Variants in FRZB observed in about 807,000 individuals in gnomAD.
FRZB encodes the protein frizzled related protein.
In FRZB, 34 loss-of-function variants were observed where a neutral mutation model predicts 32.5. That is an observed-to-expected ratio of 1.05 (90% CI 0.80 to 1.39). The LOEUF is 1.39. Ranked by LOEUF, FRZB falls within the 40% of genes most tolerant of loss-of-function variation. FRZB has a pLI of 0.00. For synonymous variants in FRZB, 170 were observed against 159.2 expected, an observed-to-expected ratio of 1.07 and a Z score of -0.51; for missense variants, 423 against 424.8, an observed-to-expected ratio of 1.00 and a Z score of 0.04.
Position 182,866,120 on chromosome 2 carries a change from C to T in FRZB, c.433G>A (p.Gly145Ser), listed in dbSNP as rs151046356. Residue 145 changes from glycine to serine, a missense_variant, in exon 1 of 6, where the codon GGC becomes AGC. By Grantham distance (56) the Gly-to-Ser change is moderately conservative. Coordinates refer to ENST00000295113, the MANE Select transcript of FRZB (RefSeq NM_001463.4). The surrounding 1 kb of genome is among the most constrained non-coding windows in gnomAD (Gnocchi z 4.5). Reference sequence around the variant, plus strand: ...ATGGCCTCGGGAGAGATGCACACGCCCCTGTCGTACACTGGCAGCTCCTCG... The same window carrying T: ...ATGGCCTCGGGAGAGATGCACACGCTCCTGTCGTACACTGGCAGCTCCTCG... The part of the protein sequence containing the change: ...ACEELPVYDR[G>S]VCISPEAIVT... 195 of 1,613,962 alleles carry T rather than the reference C, an allele frequency of 1.2e-4. 1 individual carries two copies. The highest frequency in any genetic ancestry group is 6.6e-4 in the Middle Eastern group (4 of 6,082).
chr2:182,850,853 G>C (rs187720620), intron 2 of FRZB, among the ~76,000 whole-genome samples: 12 of 152,234 alleles, frequency 7.9e-5, no homozygotes, highest in Non-Finnish European at 1.3e-4. Context: ...CAGTATACTA[G>C]AGTTCCCCTT....
chr2:182,862,232 C>A (rs1695841419), intron 1 of FRZB, among the ~76,000 whole-genome samples: 1 of 152,216 alleles, frequency 6.6e-6, no homozygotes, highest in Non-Finnish European at 1.5e-5. Context: ...ACGTGTTGAG[C>A]AAGAGCTGGG....
chr2:182,839,792 A>G (rs1279118038), intron 3 of FRZB, among the ~76,000 whole-genome samples: 3 of 152,068 alleles, frequency 2.0e-5, no homozygotes, highest in East Asian at 1.9e-4. Flanking sequence ...ATCCATGGAC[A>G]TTATATAGAG....
intron 1 of FRZB, among the ~76,000 whole-genome samples, chr2:182,862,238 C>T (rs1332359185): frequency 1.3e-5 from 2 of 152,204 alleles, no homozygotes; most frequent in Non-Finnish European, 2.9e-5. Context: ...TGAGCAAGAG[C>T]TGGGGAGAAA....
rs1403761054 is a variant in FRZB, at chr2:182,834,212, T to A, written c.*637A>T. 1 of 152,288 alleles carries A rather than the reference T, an allele frequency of 6.6e-6. No individual in the cohort carries two copies. The highest frequency in any genetic ancestry group is 1.5e-5 in the Non-Finnish European group (1 of 68,112). The allele number at this position is 152,288 out of a possible 1,614,324, so 9.4% of individuals were successfully genotyped here. ...TTGTGCTTCTCAATCAGGCAAAATG[T>A]TCTTTCTTAAGCTCCTATTTATTTT... On this transcript the variant is annotated 3_prime_UTR_variant, in exon 6 of 6. Transcript: ENST00000295113.
At chr2:182,852,717 TC>T (rs1695722975) in intron 2 of FRZB, among the ~76,000 whole-genome samples, 1 of 152,176 alleles carries the variant, frequency 6.6e-6, no homozygotes, top group African/African-American at 2.4e-5. Context: ...ATTTGATAGA[TC>T]AAGTGACTAG....
At chr2:182,859,974 A>G (rs1167144617) in intron 1 of FRZB, among the ~76,000 whole-genome samples, 1 of 152,216 alleles carries the variant, frequency 6.6e-6, no homozygotes, top group Non-Finnish European at 1.5e-5. Context: ...TGGTTTTTCT[A>G]TTTCTGAATA....
At chr2:182,848,230 G>A (rs776746863) in intron 2 of FRZB, among the ~76,000 whole-genome samples, 9 of 152,156 alleles carry the variant, frequency 5.9e-5, no homozygotes, top group Non-Finnish European at 2.9e-5. Context: ...GAAGTGAGTG[G>A]CTGGGGTAGA....
intron 3 of FRZB, among the ~76,000 whole-genome samples, chr2:182,840,828 G>A (rs756158666): frequency 2.1e-4 from 32 of 151,958 alleles, no homozygotes; most frequent in Non-Finnish European, 4.4e-4. Flanking sequence ...CACTTTCCAT[G>A]ACTTGTCATT....
chr2:182,852,649 TA>T (rs564414058), intron 2 of FRZB, among the ~76,000 whole-genome samples: 1 of 151,922 alleles, frequency 6.6e-6, no homozygotes, highest in Non-Finnish European at 1.5e-5. Context: ...TTATTTTAAT[TA>T]AAAAAAACCC....
intron 2 of FRZB, among the ~76,000 whole-genome samples, chr2:182,849,632 T>G (rs546298605): frequency 2.9e-4 from 44 of 152,328 alleles, no homozygotes; most frequent in Admixed American, 7.2e-4. Context: ...AAAGTAACAT[T>G]TGCTCAACTT....
At position 182,866,290 on chromosome 2, in the gene FRZB, AG is replaced by A; in HGVS notation, c.262del (p.Leu88SerfsTer119). The A allele has an allele frequency of 6.2e-7, 1 of 1,614,188 alleles. No individual in the cohort carries two copies. The highest frequency in any genetic ancestry group is 8.5e-7 in the Non-Finnish European group (1 of 1,180,032). On this transcript the variant is annotated frameshift_variant, in exon 1 of 6. Coordinates refer to ENST00000295113, the MANE Select transcript of FRZB (RefSeq NM_001463.4). LOFTEE classifies it high-confidence loss of function. This position sits in a 1 kb window ranked among gnomAD's most constrained non-coding sequence, Gnocchi z 4.5. ...GCAGATGGGCGCGTACATGGCACAG[AG>A]GAAGAAGAGCAGATCGGGGCTGCAG... ...THCSPDLLFFLCAMYAPICTI... is the reference protein window; with the variant it reads ...THCSPDLLFFXCAMYAPICTI...
In FRZB at chr2:182,866,307, G is replaced by A. The variant is rs1300298750; in HGVS notation, c.246C>T (p.Pro82=). The A allele has an allele frequency of 1.2e-6, 2 of 1,614,238 alleles. No individual in the cohort carries two copies. Among genetic ancestry groups the A allele is most frequent in the Non-Finnish European group, 1.7e-6 (2 of 1,180,044 alleles). The change falls in exon 1 of 6, where the codon CCC becomes CCT. Residue 82 remains proline (P), a synonymous_variant. Transcript: ENST00000295113. The surrounding 1 kb of genome is among the most constrained non-coding windows in gnomAD (Gnocchi z 4.5). ...TGGCACAGAGGAAGAAGAGCAGATC[G>A]GGGCTGCAGTGGGTGCCCAGCAGAC... ...FEGLLGTHCS[P]DLLFFLCAMY... is the part of the protein sequence containing the mutation.
chr2:182,853,874 A>G (rs1400557433), intron 2 of FRZB, among the ~76,000 whole-genome samples: 3 of 152,226 alleles, frequency 2.0e-5, no homozygotes, highest in African/African-American at 7.2e-5. Flanking sequence ...GTAGAAATAA[A>G]TGCAGCATTA....
intron 1 of FRZB, among the ~76,000 whole-genome samples, chr2:182,862,189 C>T (rs558832563): frequency 1.3e-5 from 2 of 152,166 alleles, no homozygotes; most frequent in Non-Finnish European, 2.9e-5. Context: ...AAAGTTGGCA[C>T]GGCTCATGCC....
chr2:182,853,333 T>C (rs1376082333), intron 2 of FRZB, among the ~76,000 whole-genome samples: 1 of 152,232 alleles, frequency 6.6e-6, no homozygotes, highest in African/African-American at 2.4e-5. Context: ...ATTGAAGTGC[T>C]ATATTACTCT....
chr2:182,866,573 G>C lies in FRZB; in HGVS notation c.-21C>G. The C allele has an allele frequency of 1.4e-6, 2 of 1,422,380 alleles. No individual in the cohort carries two copies. Among genetic ancestry groups the C allele is most frequent in the Non-Finnish European group, 1.8e-6 (2 of 1,088,242 alleles). 88.1% of individuals were successfully genotyped at this position (1,422,380 alleles called of 1,614,324 possible). On this transcript the variant is annotated 5_prime_UTR_variant, in exon 1 of 6. Transcript: ENST00000295113. The surrounding 1 kb of genome is among the most constrained non-coding windows in gnomAD (Gnocchi z 4.5). The stretch of plus-strand genomic sequence containing the variant: ...ACCATGATCCCGGCAGGATGGGGCA[G>C]GGTGCAGCCGCGCAGTGGACGCCAA...
chr2:182,862,720 C>T (rs1210616820), intron 1 of FRZB, among the ~76,000 whole-genome samples: 1 of 151,990 alleles, frequency 6.6e-6, no homozygotes, highest in Non-Finnish European at 1.5e-5. Context: ...TCAGTGCTTA[C>T]TAAGTACTAA....
At chr2:182,841,949 G>A (rs1019528199) in intron 3 of FRZB, among the ~76,000 whole-genome samples, 2 of 152,076 alleles carry the variant, frequency 1.3e-5, no homozygotes, top group African/African-American at 2.4e-5. Context: ...TTAGAATGTC[G>A]GATTTTAAGT....
Sources: allele counts gnomAD v4.1 joint callset (sites outside exome capture counted in the v4.1 genomes callset), GRCh38; gene constraint gnomAD v4.1.1; non-coding constraint Gnocchi (gnomAD v3.1); transcripts MANE v1.5; gene names NCBI Gene and HGNC (gene_info 2026-07-23, HGNC 2026-07-21).